The following DMD variants were observed in gnomAD, a reference collection of about 807,000 sequenced individuals.
The protein encoded by DMD is dystrophin.
DMD carries 63 observed loss-of-function variants against 330.1 expected under a neutral mutation model. That is an observed-to-expected ratio of 0.19 (90% CI 0.16 to 0.24). The LOEUF is 0.24. Among genes scored for constraint, DMD ranks in the 10% least tolerant of loss-of-function variants. The pLI, the probability that DMD is intolerant of heterozygous loss-of-function variation, is 1.00. For missense variants in DMD, 3,344 were observed against 2,684.1 expected (o/e 1.25, Z -5.43); for synonymous variants, 1,223 against 959.8 (o/e 1.27, Z -5.07).
At chrX:32,391,182 A>G (rs1164214407) in intron 30 of DMD, among the ~76,000 whole-genome samples, 2 of 111,457 alleles carry the variant, frequency 1.8e-5, no homozygotes, top group African/African-American at 3.3e-5. Context: ...AAATCATTCT[A>G]ATTTAAAATT....
chrX:31,771,002 T>C (rs1181726105), intron 51 of DMD, among the ~76,000 whole-genome samples: 1 of 112,206 alleles, frequency 8.9e-6, no homozygotes, highest in African/African-American at 3.2e-5. Context: ...ATAATAAAAA[T>C]GGATAGGTGT....
chrX:32,729,531 A>G (rs1307645498), intron 7 of DMD, among the ~76,000 whole-genome samples: 1 of 111,733 alleles, frequency 8.9e-6, no homozygotes, highest in African/African-American at 3.3e-5. Context: ...CAAGAGGAGT[A>G]TTATATGCTT....
chrX:31,650,084 C>T (rs1310431334), intron 54 of DMD, among the ~76,000 whole-genome samples: 3 of 107,655 alleles, frequency 2.8e-5, no homozygotes, highest in Admixed American at 1.0e-4. Flanking sequence ...CCTCAGCTTC[C>T]CAAGTAGCTG....
At chrX:31,389,110 T>C (rs1246145927) in intron 60 of DMD, among the ~76,000 whole-genome samples, 1 of 112,371 alleles carries the variant, frequency 8.9e-6, no homozygotes, top group Non-Finnish European at 1.9e-5. Context: ...TTATGACTAT[T>C]TCATTTTGAT....
rs1175046115 is a variant in DMD, at chrX:31,750,649, A to G, written c.7543-20901T>C. On this transcript the variant is annotated intron_variant, in intron 51 of 78. Transcript: ENST00000357033. ...TAGTGTTGGAAGTTCTGGCCAGGGCAATCAGGCAGGAGAAGGAAATAAAGG... is the reference window on the plus strand; with the variant it reads ...TAGTGTTGGAAGTTCTGGCCAGGGCGATCAGGCAGGAGAAGGAAATAAAGG... Among the ~76,000 whole-genome samples, 4 of 110,568 alleles carry G rather than the reference A, an allele frequency of 3.6e-5. No homozygotes were observed. In the East Asian group the frequency reaches 8.7e-4, roughly 24 times the overall value.
chrX:31,929,035 A>T (rs746199435), intron 47 of DMD, among the ~76,000 whole-genome samples: 17 of 112,091 alleles, frequency 1.5e-4, no homozygotes, highest in Non-Finnish European at 3.0e-4. Context: ...CATATGTACC[A>T]CTTGCTTTAT....
chrX:32,724,123 G>T (rs2066619656), intron 7 of DMD, among the ~76,000 whole-genome samples: 1 of 112,110 alleles, frequency 8.9e-6, no homozygotes, highest in Non-Finnish European at 1.9e-5. Context: ...TTTAAATGGT[G>T]CAATTCTACT....
At chrX:31,609,773 C>T (rs2077807768) in intron 55 of DMD, among the ~76,000 whole-genome samples, 1 of 111,464 alleles carries the variant, frequency 9.0e-6, no homozygotes. Flanking sequence ...AACTCCTCTG[C>T]CCCTACCTAA....
chrX:31,150,347 T>C (rs1315640549), intron 74 of DMD, among the ~76,000 whole-genome samples: 2 of 112,129 alleles, frequency 1.8e-5, no homozygotes, highest in African/African-American at 6.5e-5. Context: ...CACTGTCTTT[T>C]GGTTATATTT....
chrX:32,648,123 G>C (rs1452110961), intron 9 of DMD, among the ~76,000 whole-genome samples: 2 of 111,523 alleles, frequency 1.8e-5, no homozygotes, highest in Non-Finnish European at 3.8e-5. Flanking sequence ...TTGAATTTTG[G>C]AAGAAAATAT....
At chrX:31,486,112 T>C (rs1343803677) in intron 57 of DMD, among the ~76,000 whole-genome samples, 1 of 112,903 alleles carries the variant, frequency 8.9e-6, no homozygotes, top group Non-Finnish European at 1.9e-5. Flanking sequence ...TCTCATATAC[T>C]ATAATCAATT....
At chrX:31,470,575 G>A (rs1360273403) in intron 59 of DMD, among the ~76,000 whole-genome samples, 3 of 112,104 alleles carry the variant, frequency 2.7e-5, no homozygotes, top group Non-Finnish European at 5.6e-5. Context: ...CTGTATGAGG[G>A]TGTCTGTCAA....
At chrX:32,904,296 G>T (rs921385174) in intron 2 of DMD, among the ~76,000 whole-genome samples, 3 of 111,686 alleles carry the variant, frequency 2.7e-5, no homozygotes, top group Non-Finnish European at 5.6e-5. Context: ...TCAAGAAGCC[G>T]AACATTATCT....
chrX:32,499,890 C>A (rs1185511436), intron 19 of DMD, among the ~76,000 whole-genome samples: 1 of 110,972 alleles, frequency 9.0e-6, no homozygotes, highest in East Asian at 2.8e-4. Flanking sequence ...GCAATTTGTT[C>A]CTTGAACGAC....
chrX:31,403,282 C>T (rs191069752), intron 60 of DMD, among the ~76,000 whole-genome samples: 1 of 111,660 alleles, frequency 9.0e-6, no homozygotes, highest in Admixed American at 9.5e-5. Context: ...GAACTTGACA[C>T]GAAGAGAAGA....
intron 17 of DMD, among the ~76,000 whole-genome samples, chrX:32,519,868 C>T (rs1389355540): frequency 8.9e-6 from 1 of 111,940 alleles, no homozygotes; most frequent in African/African-American, 3.2e-5. Context: ...CTTAGAAAAA[C>T]ATATTCGCAT....
At chrX:31,133,813 C>T (rs1263595516) in intron 77 of DMD, among the ~76,000 whole-genome samples, 2 of 111,790 alleles carry the variant, frequency 1.8e-5, no homozygotes, top group African/African-American at 3.3e-5. Context: ...CAGTAAAGGG[C>T]ACCTCATAAT....
At chrX:31,953,685 G>T (rs2150112828) in intron 45 of DMD, among the ~76,000 whole-genome samples, 1 of 111,178 alleles carries the variant, frequency 9.0e-6, no homozygotes, top group South Asian at 3.8e-4. Context: ...CTACTCATGT[G>T]CTGGGCATAG....
intron 37 of DMD, among the ~76,000 whole-genome samples, chrX:32,350,936 C>T (rs2097779569): frequency 1.8e-5 from 2 of 110,590 alleles, no homozygotes; most frequent in South Asian, 7.6e-4. Context: ...AGAACATAAA[C>T]TTCTGTATGA....
Sources: allele counts gnomAD v4.1 joint callset (sites outside exome capture counted in the v4.1 genomes callset), GRCh38; gene constraint gnomAD v4.1.1; transcripts MANE v1.5; gene names NCBI Gene and HGNC (gene_info 2026-07-23, HGNC 2026-07-21).